The following MAP3K5 variants were observed in gnomAD, a reference collection of about 807,000 sequenced individuals.
The protein encoded by MAP3K5 is ASK-1.
A neutral mutation model predicts 158.7 loss-of-function variants in MAP3K5; 56 were observed. That is an observed-to-expected ratio of 0.35 (90% CI 0.28 to 0.44). The LOEUF (loss-of-function observed/expected upper bound fraction) is 0.44. Ranked by LOEUF, MAP3K5 falls within the 20% of genes least tolerant of loss-of-function variation. The pLI, the probability that MAP3K5 is intolerant of heterozygous loss-of-function variation, is 1.00. For missense variants in MAP3K5, 1,294 were observed against 1,674.8 expected (o/e 0.77, Z 3.97); for synonymous variants, 579 against 601.7 (o/e 0.96, Z 0.55).
At chr6:136,751,255 A>G (rs6570099) in intron 1 of MAP3K5, among the ~76,000 whole-genome samples, 22,167 of 151,540 alleles carry the variant, frequency 0.15, 3,985 homozygotes, top group African/African-American at 0.43. Context: ...TTTATTTGGG[A>G]ATTATGGCAA....
At chr6:136,782,933 G>A (rs1784678400) in intron 1 of MAP3K5, among the ~76,000 whole-genome samples, 1 of 152,152 alleles carries the variant, frequency 6.6e-6, no homozygotes, top group South Asian at 2.1e-4. Context: ...TATCCTTCCT[G>A]CTTTTCCACT....
intron 1 of MAP3K5, among the ~76,000 whole-genome samples, chr6:136,776,817 T>C (rs1784419132): frequency 6.6e-6 from 1 of 152,192 alleles, no homozygotes; most frequent in Admixed American, 6.5e-5. Context: ...CTGCAAAGAT[T>C]TCTTAATGCT....
intron 1 of MAP3K5, among the ~76,000 whole-genome samples, chr6:136,774,538 G>A (rs1486288810): frequency 6.6e-6 from 1 of 152,196 alleles, no homozygotes; most frequent in African/African-American, 2.4e-5. Flanking sequence ...CAGACTGTGA[G>A]CCGCTCCAGG....
At chr6:136,591,379 C>T (rs1027266783) in intron 23 of MAP3K5, among the ~76,000 whole-genome samples, 1 of 152,188 alleles carries the variant, frequency 6.6e-6, no homozygotes, top group Non-Finnish European at 1.5e-5. Flanking sequence ...GGCGGGTGCC[C>T]GCCTGGTACT....
At chr6:136,732,391 C>T (rs1195567119) in intron 1 of MAP3K5, among the ~76,000 whole-genome samples, 2 of 152,196 alleles carry the variant, frequency 1.3e-5, no homozygotes, top group African/African-American at 4.8e-5. Context: ...TAGCACTCCA[C>T]TCCAGCCTGG....
At chr6:136,683,763 A>G (rs1780031861) in intron 7 of MAP3K5, among the ~76,000 whole-genome samples, 1 of 152,128 alleles carries the variant, frequency 6.6e-6, no homozygotes, top group Non-Finnish European at 1.5e-5. Flanking sequence ...TCTTCAACAA[A>G]ACTGAAATCT....
intron 1 of MAP3K5, among the ~76,000 whole-genome samples, chr6:136,748,198 CT>C (rs1373015123): frequency 1.2e-4 from 19 of 152,284 alleles, no homozygotes; most frequent in African/African-American, 4.6e-4. Context: ...TCCCACTTTT[CT>C]GAATCAGGTG....
chr6:136,738,461 GACAA>G (rs774193544), intron 1 of MAP3K5, among the ~76,000 whole-genome samples: 44 of 152,216 alleles, frequency 2.9e-4, no homozygotes, highest in African/African-American at 9.9e-4. Context: ...TAAAATGAGA[GACAA>G]ACAAACAAAC....
At chr6:136,770,628 A>G (rs750302506) in intron 1 of MAP3K5, among the ~76,000 whole-genome samples, 20 of 152,206 alleles carry the variant, frequency 1.3e-4, no homozygotes, top group Non-Finnish European at 2.4e-4. Context: ...GCAGTGGCTC[A>G]CGCCTGTAAT....
intron 3 of MAP3K5, 51 bp downstream of exon 3, chr6:136,705,059 A>G (rs1781011865): frequency 1.1e-6 from 1 of 889,664 alleles, no homozygotes; most frequent in Non-Finnish European, 1.7e-6. Flanking sequence ...AGATTAGTTA[A>G]TGGAAAAGAA....
intron 3 of MAP3K5, among the ~76,000 whole-genome samples, chr6:136,703,925 A>G (rs978465835): frequency 2.6e-5 from 4 of 152,202 alleles, no homozygotes; most frequent in Non-Finnish European, 4.4e-5. Context: ...TCCGAGTTGC[A>G]GAGGTACATT....
chr6:136,663,112 T>C (rs954289745), intron 8 of MAP3K5, among the ~76,000 whole-genome samples: 1 of 152,184 alleles, frequency 6.6e-6, no homozygotes, highest in East Asian at 1.9e-4. Context: ...TCTCAATCCA[T>C]ACACCACCAC....
At chr6:136,676,510 G>T (rs1363889414) in intron 7 of MAP3K5, among the ~76,000 whole-genome samples, 1 of 152,026 alleles carries the variant, frequency 6.6e-6, no homozygotes, top group Non-Finnish European at 1.5e-5. Context: ...TAAAAATACT[G>T]ATGTTGTTTA....
At chr6:136,679,063 T>C (rs1392551612) in intron 7 of MAP3K5, among the ~76,000 whole-genome samples, 1 of 152,224 alleles carries the variant, frequency 6.6e-6, no homozygotes, top group African/African-American at 2.4e-5. Flanking sequence ...TAATTCATTA[T>C]TTCATTTAAA....
chr6:136,570,588 T>C lies in MAP3K5; in HGVS notation c.3518-2714A>G, dbSNP rs141546130. Among the ~76,000 whole-genome samples, 333 of 152,342 alleles carry C rather than the reference T, an allele frequency of 2.2e-3. 1 individual carries two copies. The highest frequency in any genetic ancestry group is 6.0e-3 in the African/African-American group (249 of 41,584). On this transcript the variant is annotated intron_variant, in intron 25 of 29. Coordinates refer to ENST00000359015, the MANE Select transcript of MAP3K5 (RefSeq NM_005923.4). ...ATAACAAAAACCAGAGTGTCCTTTTTCAAGGCCCAGTTTACATAGACCTGG... is the reference window on the plus strand; with the variant it reads ...ATAACAAAAACCAGAGTGTCCTTTTCCAAGGCCCAGTTTACATAGACCTGG...
intron 1 of MAP3K5, among the ~76,000 whole-genome samples, chr6:136,738,581 G>A (rs1343485199): frequency 6.6e-6 from 1 of 152,176 alleles, no homozygotes; most frequent in African/African-American, 2.4e-5. Context: ...ACAGTATTTG[G>A]AGGCAATGAG....
chr6:136,763,408 A>G (rs1234584469), intron 1 of MAP3K5, among the ~76,000 whole-genome samples: 1 of 152,106 alleles, frequency 6.6e-6, no homozygotes, highest in Non-Finnish European at 1.5e-5. Flanking sequence ...ATGCCCAAAG[A>G]TGTGGGGAAA....
intron 13 of MAP3K5, among the ~76,000 whole-genome samples, chr6:136,638,038 A>G (rs1777731553): frequency 6.6e-6 from 1 of 152,118 alleles, no homozygotes; most frequent in Admixed American, 6.5e-5. Context: ...GACCCCATTG[A>G]TGGAGTTCAT....
At chr6:136,735,287 A>G (rs1193490093) in intron 1 of MAP3K5, among the ~76,000 whole-genome samples, 3 of 152,344 alleles carry the variant, frequency 2.0e-5, no homozygotes, top group Middle Eastern at 6.8e-3. Flanking sequence ...TTCCTTAACA[A>G]AAACATCACA....
Sources: allele counts gnomAD v4.1 joint callset (sites outside exome capture counted in the v4.1 genomes callset), GRCh38; gene constraint gnomAD v4.1.1; transcripts MANE v1.5; gene names NCBI Gene and HGNC (gene_info 2026-07-23, HGNC 2026-07-21).